GRM7: variants seen among roughly 807,000 people sequenced by gnomAD.
GRM7 encodes glutamate metabotropic receptor 7.
A neutral mutation model predicts 84.5 loss-of-function variants in GRM7; 35 were observed. The observed-to-expected ratio is 0.41, with a 90% CI of 0.32 to 0.55. The LOEUF is 0.55. Ranked by LOEUF, GRM7 falls within the 20% of genes least tolerant of loss-of-function variation. GRM7 has a pLI of 0.19. For missense variants in GRM7, 1,003 were observed against 1,194.6 expected (o/e 0.84, Z 2.36); for synonymous variants, 487 against 455.1 (o/e 1.07, Z -0.89).
At chr3:7,230,927 C>T (rs369399961) in intron 2 of GRM7, among the ~76,000 whole-genome samples, 1 of 152,102 alleles carries the variant, frequency 6.6e-6, no homozygotes, top group Admixed American at 6.5e-5. Context: ...AGGTCATTAC[C>T]ATCTCAATTG....
chr3:7,494,165 T>C (rs1457251412), intron 7 of GRM7, among the ~76,000 whole-genome samples: 10 of 152,178 alleles, frequency 6.6e-5, no homozygotes. Context: ...TTCAGAGATA[T>C]ACTAGCAATA....
chr3:7,370,015 G>GGC (rs1218300663), intron 4 of GRM7, among the ~76,000 whole-genome samples: 1 of 152,098 alleles, frequency 6.6e-6, no homozygotes, highest in Non-Finnish European at 1.5e-5. Context: ...ATAACAGCAA[G>GGC]GCAAGTGTTG....
chr3:7,485,538 C>T (rs754968478), intron 7 of GRM7, among the ~76,000 whole-genome samples: 1 of 152,160 alleles, frequency 6.6e-6, no homozygotes, highest in Non-Finnish European at 1.5e-5. Context: ...CATACCTTTT[C>T]CTTTTGAAAT....
intron 8 of GRM7, among the ~76,000 whole-genome samples, chr3:7,649,596 A>C (rs1363636085): frequency 6.6e-6 from 1 of 152,146 alleles, no homozygotes; most frequent in African/African-American, 2.4e-5. Context: ...TGACAGTGTC[A>C]CACATACCCC....
chr3:7,293,206 TTAAAAA>T (rs1699697444), intron 2 of GRM7, among the ~76,000 whole-genome samples: 1 of 152,130 alleles, frequency 6.6e-6, no homozygotes, highest in African/African-American at 2.4e-5. Flanking sequence ...GCTTATTAGA[TTAAAAA>T]TAATTCATAA....
intron 7 of GRM7, among the ~76,000 whole-genome samples, chr3:7,570,986 A>G (rs1398217938): frequency 2.0e-5 from 3 of 152,212 alleles, no homozygotes; most frequent in African/African-American, 7.2e-5. Context: ...CTCTGAAGCC[A>G]TGGCCTGAAC....
intron 4 of GRM7, among the ~76,000 whole-genome samples, chr3:7,404,745 G>T (rs1171223457): frequency 2.0e-5 from 3 of 151,726 alleles, no homozygotes; most frequent in Non-Finnish European, 4.4e-5. Flanking sequence ...CATCTTGTTG[G>T]TCCAGTTGGA....
intron 1 of GRM7, among the ~76,000 whole-genome samples, chr3:7,089,131 C>A (rs1346629799): frequency 1.3e-5 from 2 of 152,132 alleles, no homozygotes; most frequent in African/African-American, 4.8e-5. Context: ...AAAATTCCAA[C>A]TTTATTGGGT....
At chr3:7,016,032 C>T (rs1212860389) in intron 1 of GRM7, among the ~76,000 whole-genome samples, 2 of 152,100 alleles carry the variant, frequency 1.3e-5, no homozygotes, top group Non-Finnish European at 2.9e-5. Context: ...CAAAGTACAA[C>T]AAAGACTACA....
intron 7 of GRM7, 63 bp downstream of exon 7, chr3:7,461,785 C>G: frequency 6.8e-7 from 1 of 1,470,232 alleles, no homozygotes; most frequent in East Asian, 2.3e-5. Flanking sequence ...TTAATTTGCT[C>G]AGTTATACAA....
At chr3:6,934,215 G>T (rs1697606645) in intron 1 of GRM7, among the ~76,000 whole-genome samples, 1 of 152,068 alleles carries the variant, frequency 6.6e-6, no homozygotes, top group Admixed American at 6.6e-5. Context: ...TGGTATTTAG[G>T]TACTCAGAAA....
At chr3:6,941,251 G>A (rs138794154) in intron 1 of GRM7, among the ~76,000 whole-genome samples, 99 of 152,252 alleles carry the variant, frequency 6.5e-4, no homozygotes, top group Non-Finnish European at 1.1e-3. Flanking sequence ...TTAGGTATAC[G>A]ACTTAGAACT....
intron 1 of GRM7, among the ~76,000 whole-genome samples, chr3:6,987,030 G>A (rs191316058): frequency 2.0e-5 from 3 of 152,308 alleles, no homozygotes; most frequent in Non-Finnish European, 4.4e-5. Flanking sequence ...TTCAACAGTA[G>A]TTCTACCTAC....
chr3:7,372,667 A>C (rs7340751), intron 4 of GRM7, among the ~76,000 whole-genome samples: 68,512 of 151,888 alleles, frequency 0.45, 15,837 homozygotes, highest in East Asian at 0.58. Flanking sequence ...TTTGTACTTT[A>C]GCACCAAACA....
chr3:7,657,160 C>G (rs1699240668), intron 8 of GRM7, among the ~76,000 whole-genome samples: 1 of 152,122 alleles, frequency 6.6e-6, no homozygotes, highest in Admixed American at 6.5e-5. Context: ...TTGCAGAACC[C>G]AAAATACCCT....
At chr3:7,489,098 C>G (rs1425182592) in intron 7 of GRM7, among the ~76,000 whole-genome samples, 2 of 152,100 alleles carry the variant, frequency 1.3e-5, no homozygotes, top group Non-Finnish European at 2.9e-5. Flanking sequence ...GAGGGAGATA[C>G]ATCTACCCTC....
intron 1 of GRM7, among the ~76,000 whole-genome samples, chr3:7,067,945 G>A (rs1211241958): frequency 6.6e-6 from 1 of 151,866 alleles, no homozygotes; most frequent in Non-Finnish European, 1.5e-5. Flanking sequence ...TAAACGTAAA[G>A]AACTCACCTT....
intron 2 of GRM7, among the ~76,000 whole-genome samples, chr3:7,259,994 G>T (rs1440478276): frequency 2.5e-5 from 3 of 117,890 alleles, no homozygotes; most frequent in Non-Finnish European, 4.8e-5. Flanking sequence ...ATCTGGGTGG[G>T]TGTGAGATGA....
chr3:7,278,391 G>T (rs1699145466), intron 2 of GRM7, among the ~76,000 whole-genome samples: 1 of 152,004 alleles, frequency 6.6e-6, no homozygotes, highest in Non-Finnish European at 1.5e-5. Flanking sequence ...ATAAATGAAA[G>T]AAAACATGTT....
Sources: gnomAD v4.1 joint callset for allele counts (sites outside exome capture counted in the v4.1 genomes callset) on GRCh38, gnomAD v4.1.1 for gene constraint, MANE v1.5 for transcripts, NCBI Gene and HGNC (gene_info 2026-07-23, HGNC 2026-07-21) for gene names.